Variants in SMG9 observed in about 807,000 individuals in gnomAD.
SMG9 encodes the protein SMG9 nonsense mediated mRNA decay factor, also known as nonsense-mediated mRNA decay factor SMG9.
In SMG9, 55 loss-of-function variants were observed where a neutral mutation model predicts 64.0. That is an observed-to-expected ratio of 0.86 (90% CI 0.69 to 1.08). The LOEUF (loss-of-function observed/expected upper bound fraction) is 1.08, where lower values mean the gene tolerates loss of function less well. Among genes scored for constraint, SMG9 ranks in the 50% least tolerant of loss-of-function variants. The pLI, the probability that SMG9 is intolerant of heterozygous loss-of-function variation, is 0.00. For missense variants in SMG9, 554 were observed against 681.3 expected, an observed-to-expected ratio of 0.81 and a Z score of 2.08; for synonymous variants, 244 against 254.8, an observed-to-expected ratio of 0.96 and a Z score of 0.41.
intron 7 of SMG9, 84 bp downstream of exon 7, chr19:43,740,023 G>A (rs763520498): frequency 3.3e-5 from 32 of 981,310 alleles, no homozygotes; most frequent in Non-Finnish European, 3.0e-5. Flanking sequence ...TGGAATCCAC[G>A]CAGGGTTCTG....
At chr19:43,742,009 G>A (rs993490486) in intron 6 of SMG9, among the ~76,000 whole-genome samples, 1 of 152,214 alleles carries the variant, frequency 6.6e-6, no homozygotes, top group Admixed American at 6.5e-5. Context: ...TTAGCCGGAT[G>A]TGGTGGTGCA....
In SMG9 at chr19:43,733,724, T is replaced by G; in HGVS notation, c.1112A>C (p.Gln371Pro). 6.2e-7 allele frequency: 1 copy of G among 1,614,074 alleles called. No individual in the cohort carries two copies. Among genetic ancestry groups the G allele is most frequent in the Non-Finnish European group, 8.5e-7 (1 of 1,179,960 alleles). Residue 371 changes from glutamine to proline, a missense_variant, in exon 11 of 14, where the codon CAG (glutamine) becomes CCG (proline). Physicochemically the swap from Gln to Pro is moderately conservative, Grantham distance 76 (BLOSUM62 -1). Coordinates refer to ENST00000270066, the MANE Select transcript of SMG9 (RefSeq NM_019108.4). ...GAAGTCCTCTCGGCGAGCTTTGTTC[T>G]GCAAGAAGACTGAGGGTGGGAAGAG... ...TEYYPHLVFL[Q>P]NKARREDFCP...
chr19:43,735,752 A>G (rs184837366), intron 9 of SMG9, among the ~76,000 whole-genome samples: 1 of 152,148 alleles, frequency 6.6e-6, no homozygotes, highest in Admixed American at 6.5e-5. Flanking sequence ...TGGGATTGCT[A>G]AAATACAGGG....
At chr19:43,748,456 T>C (rs755861388) in intron 2 of SMG9, among the ~76,000 whole-genome samples, 13 of 152,194 alleles carry the variant, frequency 8.5e-5, no homozygotes, top group African/African-American at 2.9e-4. Context: ...TTCCCATCTG[T>C]GAGTGGGTAT....
intron 6 of SMG9, among the ~76,000 whole-genome samples, chr19:43,742,604 T>A (rs1968877903): frequency 6.6e-6 from 1 of 152,196 alleles, no homozygotes; most frequent in Admixed American, 6.5e-5. Flanking sequence ...TTTCCAGTTT[T>A]GTATACCACT....
At chr19:43,744,736 C>T in intron 6 of SMG9, 36 bp downstream of exon 6, 2 of 1,516,846 alleles carry the variant, frequency 1.3e-6, no homozygotes, top group Non-Finnish European at 1.8e-6. Context: ...AGTGGGTGCC[C>T]ACCTCCCTCC....
At chr19:43,752,233 A>G (rs1228033397) in intron 1 of SMG9, among the ~76,000 whole-genome samples, 2 of 152,116 alleles carry the variant, frequency 1.3e-5, no homozygotes, top group African/African-American at 2.4e-5. Flanking sequence ...TGTTTATTCT[A>G]TTTGAGATGT....
chr19:43,741,435 C>T (rs1968843419), intron 6 of SMG9, among the ~76,000 whole-genome samples: 2 of 152,272 alleles, frequency 1.3e-5, no homozygotes, highest in South Asian at 4.1e-4. Flanking sequence ...GATACACAGA[C>T]CCTTGTGGAG....
At chr19:43,741,188 G>A (rs1968834583) in intron 6 of SMG9, among the ~76,000 whole-genome samples, 1 of 152,226 alleles carries the variant, frequency 6.6e-6, no homozygotes, top group African/African-American at 2.4e-5. Context: ...GAAGAGGCGT[G>A]CAGTGCTCCA....
At chr19:43,745,321 C>A (rs1250365974) in intron 5 of SMG9, among the ~76,000 whole-genome samples, 1 of 151,902 alleles carries the variant, frequency 6.6e-6, no homozygotes, top group Non-Finnish European at 1.5e-5. Context: ...GAGTGGTGTG[C>A]AAACAGGAGC....
Position 43,750,592 on chromosome 19 carries a change from C to T in SMG9, c.150G>A (p.Arg50=), listed in dbSNP as rs1042930493. ...GCTGCTCCTGGGTCCAGACACTCAC[C>T]CTTCTCTCTCTTTCCCATGGTGCAA... is the stretch of plus-strand genomic sequence containing the variant. ...DYIAPWERER[R]DASEETSTSV... The change falls in exon 2 of 14, where the codon AGG becomes AGA. Residue 50 remains arginine (R), a splice_region_variant and synonymous_variant. Transcript: ENST00000270066. 10 of 1,609,308 alleles carry T rather than the reference C, an allele frequency of 6.2e-6. No individual in the cohort carries two copies. In the African/African-American group the frequency reaches 1.2e-4, roughly 19 times the overall value.
In SMG9 at chr19:43,733,386, A is replaced by C; in HGVS notation, c.1277T>G (p.Val426Gly). Reference sequence around the variant, plus strand: ...CATGAAGGGTACCAGGAATAAGTTGACCTCAGAGTCCAGGAAGTCAGGTGG... The same window carrying C: ...CATGAAGGGTACCAGGAATAAGTTGCCCTCAGAGTCCAGGAAGTCAGGTGG... Reference protein sequence around the residue: ...GLPPDFLDSEVNLFLVPFMDS... With the variant: ...GLPPDFLDSEGNLFLVPFMDS... Residue 426 changes from valine (V) to glycine (G), a missense_variant, in exon 12 of 14, where the codon GTC becomes GGC. Coordinates refer to ENST00000270066, the MANE Select transcript of SMG9 (RefSeq NM_019108.4). 1.9e-6 allele frequency: 3 copies of C among 1,614,036 alleles called. No individual in the cohort carries two copies. Among genetic ancestry groups the C allele is most frequent in the Non-Finnish European group, 2.5e-6 (3 of 1,180,006 alleles).
In SMG9 at chr19:43,750,756, G is replaced by A; in HGVS notation, c.-6-9C>T. The A allele has an allele frequency of 1.3e-6, 2 of 1,597,362 alleles. No individual in the cohort carries two copies. The highest frequency in any genetic ancestry group is 2.2e-5 in the South Asian group (2 of 89,558). On this transcript the variant is annotated splice_polypyrimidine_tract_variant and intron_variant, in intron 1 of 13. Coordinates refer to ENST00000270066, the MANE Select transcript of SMG9 (RefSeq NM_019108.4). ...GACTCAGACATGGTTACCTATGGAGGGAATGAGGGGATTTCAGGATGACAG... is the reference window on the plus strand; with the variant it reads ...GACTCAGACATGGTTACCTATGGAGAGAATGAGGGGATTTCAGGATGACAG...
chr19:43,748,143 A>G, intron 2 of SMG9, 91 bp from the exon 3 acceptor site: 1 of 1,424,100 alleles, frequency 7.0e-7, no homozygotes, highest in South Asian at 1.4e-5. Context: ...GCCGAAATAT[A>G]TTAACTACCT....
chr19:43,745,993 T>G (rs1212160501), intron 5 of SMG9, among the ~76,000 whole-genome samples: 1 of 143,808 alleles, frequency 7.0e-6, no homozygotes, highest in Non-Finnish European at 1.5e-5. Context: ...AGGAGCGAAA[T>G]TCCATCACAA....
At chr19:43,735,698 A>G (rs1375676671) in intron 9 of SMG9, among the ~76,000 whole-genome samples, 1 of 151,958 alleles carries the variant, frequency 6.6e-6, no homozygotes, top group Admixed American at 6.6e-5. Context: ...ATTTTTTACA[A>G]TAGGTTAAGA....
At chr19:43,753,614 C>A (rs1181569226) in intron 1 of SMG9, among the ~76,000 whole-genome samples, 1 of 151,918 alleles carries the variant, frequency 6.6e-6, no homozygotes, top group Non-Finnish European at 1.5e-5. Context: ...GTGCATACCA[C>A]CAGGCCGGGC....
chr19:43,737,983 C>T (rs557248007), intron 8 of SMG9, 139 bp downstream of exon 8: 2 of 820,288 alleles, frequency 2.4e-6, no homozygotes, highest in Non-Finnish European at 4.0e-6. Context: ...GTGTTGTCCT[C>T]TTCCTATAGC....
chr19:43,745,168 A>G (rs906793689), intron 5 of SMG9, among the ~76,000 whole-genome samples: 1 of 152,246 alleles, frequency 6.6e-6, no homozygotes, highest in Non-Finnish European at 1.5e-5. Flanking sequence ...GTGGCTGAAC[A>G]CAGCGGGAAA....
Sources: allele counts gnomAD v4.1 joint callset (sites outside exome capture counted in the v4.1 genomes callset), GRCh38; gene constraint gnomAD v4.1.1; transcripts MANE v1.5; gene names NCBI Gene and HGNC (gene_info 2026-07-23, HGNC 2026-07-21).